Variants in RHOBTB1 observed in about 807,000 individuals in gnomAD.
RHOBTB1 encodes rho-related BTB domain-containing protein 1.
Under a neutral mutation model 71.6 loss-of-function variants are expected in RHOBTB1, and 40 were observed. The ratio of observed to expected loss-of-function variants is 0.56; its 90% CI spans 0.43 to 0.73. The LOEUF (loss-of-function observed/expected upper bound fraction) is 0.73, where lower values mean the gene tolerates loss of function less well. RHOBTB1 is among the 30% of genes least tolerant of loss of function. The pLI is 0.00. For missense variants in RHOBTB1, 797 were observed against 894.0 expected (o/e 0.89, Z 1.38); for synonymous variants, 319 against 334.9 (o/e 0.95, Z 0.52).
intron 4 of RHOBTB1, among the ~76,000 whole-genome samples, chr10:60,903,144 C>T (rs141476055): frequency 6.6e-6 from 1 of 152,088 alleles, no homozygotes; most frequent in African/African-American, 2.4e-5. Context: ...TCTAGGAGTA[C>T]GTGACACTTG....
intron 4 of RHOBTB1, among the ~76,000 whole-genome samples, chr10:60,893,881 T>C (rs969727087): frequency 2.0e-5 from 3 of 152,218 alleles, no homozygotes; most frequent in Non-Finnish European, 1.5e-5. Context: ...ATAGGAATTA[T>C]AAACCATCAT....
At chr10:60,996,758 A>C (rs955163097) in intron 1 of RHOBTB1, among the ~76,000 whole-genome samples, 2 of 152,204 alleles carry the variant, frequency 1.3e-5, no homozygotes, top group African/African-American at 4.8e-5. Context: ...TAGCAAATAA[A>C]AATATTATAC....
At chr10:60,901,562 G>A (rs12263661) in intron 4 of RHOBTB1, among the ~76,000 whole-genome samples, 42,916 of 152,042 alleles carry the variant, frequency 0.28, 8,469 homozygotes, top group African/African-American at 0.57. Context: ...TATCCACTGA[G>A]GATATGCAGA....
At chr10:60,955,268 C>G (rs938155390) in intron 2 of RHOBTB1, among the ~76,000 whole-genome samples, 1 of 152,038 alleles carries the variant, frequency 6.6e-6, no homozygotes, top group Admixed American at 6.6e-5. Context: ...GTCTTGAACT[C>G]CTGATCTCGT....
chr10:60,957,307 G>A (rs989207938), intron 2 of RHOBTB1, among the ~76,000 whole-genome samples: 3 of 152,096 alleles, frequency 2.0e-5, no homozygotes, highest in Admixed American at 6.6e-5. Context: ...TTATATGACC[G>A]TCAGCTTTGT....
intron 2 of RHOBTB1, among the ~76,000 whole-genome samples, chr10:60,972,717 C>T (rs1004479017): frequency 6.6e-6 from 1 of 151,946 alleles, no homozygotes; most frequent in South Asian, 2.1e-4. Context: ...AACTAATAAC[C>T]TAATTGTTGT....
At chr10:60,877,566 T>C (rs1439776357) in intron 8 of RHOBTB1, among the ~76,000 whole-genome samples, 2 of 152,328 alleles carry the variant, frequency 1.3e-5, no homozygotes, top group South Asian at 4.1e-4. Context: ...TGTGCACTTA[T>C]TATGGAGATA....
chr10:60,962,347 T>C (rs2085812215), intron 2 of RHOBTB1, among the ~76,000 whole-genome samples: 1 of 152,110 alleles, frequency 6.6e-6, no homozygotes, highest in South Asian at 2.1e-4. Context: ...TATATCAAAA[T>C]ATGCCCAATG....
chr10:60,950,827 C>A (rs1392526261), intron 2 of RHOBTB1, among the ~76,000 whole-genome samples: 1 of 152,142 alleles, frequency 6.6e-6, no homozygotes, highest in East Asian at 1.9e-4. Context: ...GCAACTGTAT[C>A]ATTCCCCCAA....
At position 60,872,308 on chromosome 10, in the gene RHOBTB1, A is replaced by G; in HGVS notation, c.1816-18T>C. On this transcript the variant is annotated intron_variant, in intron 9 of 10. Coordinates refer to ENST00000337910, the MANE Select transcript of RHOBTB1 (RefSeq NM_014836.5). ...TTGTGAAACTGCAGAAAAGTGAGCA[A>G]AAGGAGGGTAAGACTATTTTCTAAA... The G allele has an allele frequency of 1.3e-6, 2 of 1,577,072 alleles. No individual in the cohort carries two copies. The highest frequency in any genetic ancestry group is 1.7e-6 in the Non-Finnish European group (2 of 1,146,134).
chr10:60,867,421 G>A (rs968568452), downstream of RHOBTB1, among the ~76,000 whole-genome samples: 5 of 152,094 alleles, frequency 3.3e-5, no homozygotes, highest in East Asian at 1.9e-4. Context: ...ATACTCCTTC[G>A]AAGCATGGGG....
chr10:60,871,588 TG>T lies in RHOBTB1; in HGVS notation c.1984del (p.His662ThrfsTer5). On this transcript the variant is annotated frameshift_variant, in exon 11 of 11. Transcript: ENST00000337910. LOFTEE classifies it high-confidence loss of function. ...PPVWYLKEED[H>X]YQRVKREREK... ...TCGTTCCCTTTTCACACGCTGGTAGTGATCTTCTTCCTTCAGGTACCACACA... is the reference window on the plus strand; with the variant it reads ...TCGTTCCCTTTTCACACGCTGGTAGTATCTTCTTCCTTCAGGTACCACACA... 2 of 1,614,164 alleles carry T rather than the reference TG, an allele frequency of 1.2e-6. No homozygotes were observed. The highest frequency in any genetic ancestry group is 1.7e-6 in the Non-Finnish European group (2 of 1,180,004).
At chr10:60,962,120 CT>C (rs904983675) in intron 2 of RHOBTB1, among the ~76,000 whole-genome samples, 6 of 150,904 alleles carry the variant, frequency 4.0e-5, no homozygotes, top group East Asian at 2.0e-4. Flanking sequence ...TTTATAATGG[CT>C]TTTTTTTTGT....
chr10:60,894,841 C>T (rs182970200), intron 4 of RHOBTB1, among the ~76,000 whole-genome samples: 12 of 152,270 alleles, frequency 7.9e-5, no homozygotes, highest in South Asian at 2.1e-4. Context: ...ACACATGGCT[C>T]TAAGGGGAAT....
chr10:60,971,475 GAA>G (rs2086155748), intron 2 of RHOBTB1, among the ~76,000 whole-genome samples: 1 of 152,118 alleles, frequency 6.6e-6, no homozygotes, highest in Admixed American at 6.6e-5. Context: ...ATGCTGTTGG[GAA>G]AACTGGCTAG....
intron 8 of RHOBTB1, among the ~76,000 whole-genome samples, chr10:60,876,673 C>A (rs2081068458): frequency 6.6e-6 from 1 of 152,114 alleles, no homozygotes. Context: ...AAAACTAGTG[C>A]ACTCATTTGG....
At chr10:61,001,219 G>A (rs965320491) in intron 1 of RHOBTB1, among the ~76,000 whole-genome samples, 2 of 152,114 alleles carry the variant, frequency 1.3e-5, no homozygotes, top group African/African-American at 4.8e-5. Flanking sequence ...TCAGCGAAAG[G>A]TAACCAGGTC....
At chr10:60,986,497 G>C (rs1469221240) in intron 1 of RHOBTB1, among the ~76,000 whole-genome samples, 1 of 147,672 alleles carries the variant, frequency 6.8e-6, no homozygotes, top group Non-Finnish European at 1.5e-5. Context: ...ATATGGATTT[G>C]AATTTCTTGG....
the RHOBTB1 span, among the ~76,000 whole-genome samples, chr10:60,862,615 C>T: frequency 1.1e-4 from 16 of 141,692 alleles, no homozygotes; most frequent in Non-Finnish European, 2.0e-4. Context: ...CCTTCCCTTT[C>T]CTTCCTTCCT....
Sources: gnomAD v4.1 joint callset for allele counts (sites outside exome capture counted in the v4.1 genomes callset) on GRCh38, gnomAD v4.1.1 for gene constraint, MANE v1.5 for transcripts, NCBI Gene and HGNC (gene_info 2026-07-23, HGNC 2026-07-21) for gene names.